The following CACNA2D3 variants were observed in gnomAD, a reference collection of about 807,000 sequenced individuals.
CACNA2D3 encodes the protein voltage-dependent calcium channel subunit alpha-2/delta-3.
Under a neutral mutation model 160.6 loss-of-function variants are expected in CACNA2D3, and 60 were observed. The ratio of observed to expected loss-of-function variants is 0.37; its 90% CI spans 0.30 to 0.46. The LOEUF is 0.46. CACNA2D3 is among the 20% of genes least tolerant of loss of function. CACNA2D3 has a pLI of 1.00. For missense variants in CACNA2D3, 1,205 were observed against 1,365.0 expected, an observed-to-expected ratio of 0.88 and a Z score of 1.85; for synonymous variants, 558 against 492.9, an observed-to-expected ratio of 1.13 and a Z score of -1.75.
intron 13 of CACNA2D3, among the ~76,000 whole-genome samples, chr3:54,793,264 C>T (rs77614616): frequency 6.6e-6 from 1 of 152,312 alleles, no homozygotes; most frequent in Non-Finnish European, 1.5e-5. Context: ...GTTTACCACC[C>T]GATATCTCCT....
intron 11 of CACNA2D3, among the ~76,000 whole-genome samples, chr3:54,690,615 A>G (rs1700553975): frequency 6.6e-6 from 1 of 151,998 alleles, no homozygotes; most frequent in Non-Finnish European, 1.5e-5. Context: ...ATGGTTTTTG[A>G]CAGTTAACTA....
intron 27 of CACNA2D3, among the ~76,000 whole-genome samples, chr3:54,945,967 A>G (rs1449317825): frequency 1.3e-5 from 2 of 152,206 alleles, no homozygotes; most frequent in Admixed American, 1.3e-4. Flanking sequence ...GCTCTTCACA[A>G]GAGTTCTTTG....
At chr3:54,920,833 A>G (rs1463535117) in intron 27 of CACNA2D3, among the ~76,000 whole-genome samples, 2 of 152,158 alleles carry the variant, frequency 1.3e-5, no homozygotes, top group East Asian at 3.9e-4. Flanking sequence ...GGTTTACCCA[A>G]TCACCCCAGA....
At chr3:54,806,785 A>G (rs145248416) in intron 13 of CACNA2D3, among the ~76,000 whole-genome samples, 23,930 of 151,806 alleles carry the variant, frequency 0.16, 2,420 homozygotes, top group African/African-American at 0.29. Context: ...GAGGCATCAC[A>G]CTACCTGACT....
chr3:54,229,706 C>G (rs1701736630), intron 2 of CACNA2D3, among the ~76,000 whole-genome samples: 1 of 152,134 alleles, frequency 6.6e-6, no homozygotes, highest in African/African-American at 2.4e-5. Flanking sequence ...TTCTCTTACT[C>G]TGTTTTGCTT....
chr3:54,236,455 T>A (rs1323368018), intron 2 of CACNA2D3, among the ~76,000 whole-genome samples: 2 of 152,136 alleles, frequency 1.3e-5, no homozygotes, highest in Admixed American at 6.6e-5. Flanking sequence ...CTAAAACTAT[T>A]CTGAGATAAA....
intron 11 of CACNA2D3, among the ~76,000 whole-genome samples, chr3:54,710,907 A>C (rs1306107608): frequency 6.6e-6 from 1 of 152,182 alleles, no homozygotes; most frequent in East Asian, 1.9e-4. Context: ...AAATGTTAAA[A>C]AGTCAGAGGC....
rs1559528011 is a variant in CACNA2D3, at chr3:54,618,356, T to TAC, written c.964-9430_964-9429insCA. 1.7e-4 allele frequency among the ~76,000 whole-genome samples: 6 copies of TAC among 34,378 alleles called. 1 individual carries two copies. The highest frequency in any genetic ancestry group is 1.2e-3 in the East Asian group (1 of 804). The allele number at this position is 34,378 out of a possible 152,430, so 22.6% of individuals were successfully genotyped here. Reference sequence around the variant, plus strand: ...TCAAATTGATGTTGATACATACATATATATATATATATATATATGCACACA... The same window carrying TAC: ...TCAAATTGATGTTGATACATACATATACATATATATATATATATATGCACACA... On this transcript the variant is annotated intron_variant, in intron 9 of 37. Transcript: ENST00000474759.
intron 4 of CACNA2D3, among the ~76,000 whole-genome samples, chr3:54,498,056 T>C (rs1359617530): frequency 6.6e-6 from 1 of 151,636 alleles, no homozygotes; most frequent in East Asian, 1.9e-4. Flanking sequence ...TTTTTTTTTT[T>C]TAAAGTTCTT....
intron 4 of CACNA2D3, among the ~76,000 whole-genome samples, chr3:54,451,774 T>C (rs56198717): frequency 0.082 from 12,479 of 152,238 alleles, 1,703 homozygotes; most frequent in African/African-American, 0.28. Flanking sequence ...GGCCACACCT[T>C]CTGCACTTTG....
intron 8 of CACNA2D3, 93 bp from the exon 9 acceptor site, chr3:54,581,710 C>CT: frequency 1.0e-6 from 1 of 1,002,964 alleles, no homozygotes; most frequent in Admixed American, 2.1e-5. Context: ...GATTGTGCCG[C>CT]TTTTTTGTTT....
chr3:54,853,999 T>C (rs1699114916), intron 17 of CACNA2D3, among the ~76,000 whole-genome samples: 1 of 152,016 alleles, frequency 6.6e-6, no homozygotes, highest in African/African-American at 2.4e-5. Context: ...GACTGTCCAG[T>C]AGGTGGCGCG....
chr3:54,247,820 G>A (rs181287669), intron 2 of CACNA2D3, among the ~76,000 whole-genome samples: 8 of 152,240 alleles, frequency 5.3e-5, no homozygotes, highest in Admixed American at 5.2e-4. Context: ...GACCCACAAT[G>A]CCCAACACCC....
chr3:54,887,903 C>T (rs1699963546), intron 23 of CACNA2D3, 56 bp from the exon 24 acceptor site: 1 of 1,386,740 alleles, frequency 7.2e-7, no homozygotes, highest in African/African-American at 1.4e-5. Flanking sequence ...ATGAGTGCCT[C>T]TCATGCCCCT....
At chr3:54,758,074 A>G (rs17054343) in intron 12 of CACNA2D3, among the ~76,000 whole-genome samples, 3,069 of 152,246 alleles carry the variant, frequency 0.02, 106 homozygotes, top group African/African-American at 0.07. Context: ...CCCAGCCTGT[A>G]TGTTCTGGAA....
At chr3:54,957,167 T>C (rs199574509) in intron 27 of CACNA2D3, among the ~76,000 whole-genome samples, 1 of 2,350 alleles carries the variant, frequency 4.3e-4, no homozygotes, top group Admixed American at 5.6e-3. Flanking sequence ...AATAATTTTC[T>C]TTTTTTTTTT....
intron 35 of CACNA2D3, among the ~76,000 whole-genome samples, chr3:55,038,746 C>T (rs1178569485): frequency 6.6e-6 from 1 of 151,644 alleles, no homozygotes. Flanking sequence ...GAGAGGCACT[C>T]AGGCTAATAA....
chr3:54,502,145 C>G (rs1029490071), intron 4 of CACNA2D3, among the ~76,000 whole-genome samples: 1 of 152,160 alleles, frequency 6.6e-6, no homozygotes, highest in African/African-American at 2.4e-5. Flanking sequence ...TCAGTGTTCT[C>G]TCAACTTCCT....
intron 9 of CACNA2D3, among the ~76,000 whole-genome samples, chr3:54,598,355 AAG>A (rs1702999971): frequency 6.6e-6 from 1 of 151,556 alleles, no homozygotes; most frequent in Non-Finnish European, 1.5e-5. Context: ...AAAAAGAAAA[AAG>A]AAAAAAATCT....
Sources: gnomAD v4.1 joint callset for allele counts (sites outside exome capture counted in the v4.1 genomes callset) on GRCh38, gnomAD v4.1.1 for gene constraint, MANE v1.5 for transcripts, NCBI Gene and HGNC (gene_info 2026-07-23, HGNC 2026-07-21) for gene names.